Variants in ARL15 observed in about 807,000 individuals in gnomAD.
ARL15 encodes ADP-ribosylation factor-like protein 15.
A neutral mutation model predicts 25.2 loss-of-function variants in ARL15; 19 were observed. The ratio of observed to expected loss-of-function variants is 0.75; its 90% CI spans 0.53 to 1.10. The LOEUF (loss-of-function observed/expected upper bound fraction) is 1.10. Ranked by LOEUF, ARL15 falls within the 50% of genes least tolerant of loss-of-function variation. ARL15 has a pLI of 0.00. For synonymous variants in ARL15, 94 were observed against 86.8 expected (o/e 1.08, Z -0.46); for missense variants, 220 against 246.0 (o/e 0.89, Z 0.71).
chr5:54,185,204 C>G (rs1299201165), intron 1 of ARL15, among the ~76,000 whole-genome samples: 1 of 152,184 alleles, frequency 6.6e-6, no homozygotes, highest in African/African-American at 2.4e-5. Flanking sequence ...CACCTCCATG[C>G]AGTTTCTGAT....
intron 4 of ARL15, among the ~76,000 whole-genome samples, chr5:53,977,354 CAA>C (rs397884651): frequency 4.5e-3 from 404 of 90,220 alleles, no homozygotes; most frequent in African/African-American, 0.013. Flanking sequence ...GACTCCGCCT[CAA>C]AAAAAAAAAA....
At chr5:54,219,974 C>T (rs1467093061) in intron 1 of ARL15, among the ~76,000 whole-genome samples, 2 of 152,080 alleles carry the variant, frequency 1.3e-5, no homozygotes, top group Non-Finnish European at 2.9e-5. Context: ...TTTGCAATGA[C>T]TTGCTGAATG....
intron 3 of ARL15, among the ~76,000 whole-genome samples, chr5:54,145,004 T>C (rs1485028314): frequency 6.6e-6 from 1 of 152,250 alleles, no homozygotes; most frequent in Non-Finnish European, 1.5e-5. Flanking sequence ...ACCTTTAGCT[T>C]TGTCTTGCTT....
chr5:53,915,741 C>T (rs1190180414), intron 4 of ARL15, among the ~76,000 whole-genome samples: 1 of 152,084 alleles, frequency 6.6e-6, no homozygotes, highest in African/African-American at 2.4e-5. Flanking sequence ...TCAAATTTAC[C>T]CTTTTTCTTT....
At chr5:54,223,399 G>A (rs1756433317) in intron 1 of ARL15, among the ~76,000 whole-genome samples, 1 of 152,140 alleles carries the variant, frequency 6.6e-6, no homozygotes, top group South Asian at 2.1e-4. Context: ...TAGCTTTCTT[G>A]TGGCGTTTTA....
At chr5:53,914,730 C>T (rs1745580336) in intron 4 of ARL15, among the ~76,000 whole-genome samples, 1 of 152,218 alleles carries the variant, frequency 6.6e-6, no homozygotes, top group Non-Finnish European at 1.5e-5. Flanking sequence ...GAATGAGCTG[C>T]TAATGAGAAT....
At chr5:54,194,614 C>T (rs1028049519) in intron 1 of ARL15, among the ~76,000 whole-genome samples, 1 of 152,088 alleles carries the variant, frequency 6.6e-6, no homozygotes, top group African/African-American at 2.4e-5. Flanking sequence ...TATGAAAAAT[C>T]TAATCTCACC....
At chr5:53,980,476 A>T (rs1391243267) in intron 4 of ARL15, among the ~76,000 whole-genome samples, 2 of 152,222 alleles carry the variant, frequency 1.3e-5, no homozygotes, top group Admixed American at 6.5e-5. Flanking sequence ...TAAGCGCTAA[A>T]CTATACCTAC....
rs115943972 is a variant in ARL15, at chr5:54,224,207, C to T, written c.49-52279G>A. ...GGATATGTGGGCTGAACTCCAAAGG[C>T]GGCAGTGGGAACGCATTGTGGTGAC... On this transcript the variant is annotated intron_variant, in intron 1 of 4. Coordinates refer to ENST00000504924, the MANE Select transcript of ARL15 (RefSeq NM_019087.3). Among the ~76,000 whole-genome samples the T allele has an allele frequency of 1.9e-3, 285 of 152,182 alleles. 1 individual carries two copies. Among genetic ancestry groups the T allele is most frequent in the African/African-American group, 6.6e-3 (273 of 41,522 alleles).
Position 54,137,878 on chromosome 5 carries a change from C to CT in ARL15, c.253+16701dup, listed in dbSNP as rs3836816. Among the ~76,000 whole-genome samples the CT allele has an allele frequency of 6.9e-3, 995 of 144,584 alleles. 6 individuals are homozygous for CT. Among genetic ancestry groups the CT allele is most frequent in the African/African-American group, 0.017 (647 of 38,734 alleles). The allele number at this position is 144,584 out of a possible 152,430, so 94.9% of individuals were successfully genotyped here. On this transcript the variant is annotated intron_variant, in intron 3 of 4. Transcript: ENST00000504924. ...GTAACATGGATTTTAAGAGAGAAAG[C>CT]TTTTTTTTTTTTTAAAGGAAAGTAG...
At position 54,230,603 on chromosome 5, in the gene ARL15, T is replaced by C. The variant is rs1161423207; in HGVS notation, c.49-58675A>G. ...CTATTTCTCTCAAAGAAATGATCAC[T>C]TTCCCAGCCAGCTGGACTTGGAAAA... On this transcript the variant is annotated intron_variant, in intron 1 of 4. Coordinates refer to ENST00000504924, the MANE Select transcript of ARL15 (RefSeq NM_019087.3). Among the ~76,000 whole-genome samples the C allele has an allele frequency of 3.9e-5, 6 of 152,212 alleles. 1 individual carries two copies. In the East Asian group the frequency reaches 9.7e-4, roughly 25 times the overall value.
At chr5:54,011,503 C>T (rs1030304871) in intron 4 of ARL15, among the ~76,000 whole-genome samples, 4 of 152,078 alleles carry the variant, frequency 2.6e-5, no homozygotes, top group Non-Finnish European at 4.4e-5. Flanking sequence ...TACTATTCTT[C>T]ATGGGTAGAA....
intron 4 of ARL15, among the ~76,000 whole-genome samples, chr5:54,039,941 A>G (rs1290007025): frequency 2.0e-5 from 3 of 152,180 alleles, no homozygotes; most frequent in Non-Finnish European, 2.9e-5. Context: ...AAAAGATCAT[A>G]AACAATGTGT....
chr5:54,079,922 A>T (rs1257520083), intron 4 of ARL15, among the ~76,000 whole-genome samples: 1 of 151,498 alleles, frequency 6.6e-6, no homozygotes, highest in Non-Finnish European at 1.5e-5. Context: ...GTGAGCTGAG[A>T]TCATGCCATT....
intron 1 of ARL15, among the ~76,000 whole-genome samples, chr5:54,240,724 T>C (rs1756936881): frequency 6.6e-6 from 1 of 152,132 alleles, no homozygotes; most frequent in African/African-American, 2.4e-5. Flanking sequence ...CCTCTCAAAA[T>C]ACAAGTTGAG....
intron 4 of ARL15, among the ~76,000 whole-genome samples, chr5:54,006,888 C>T (rs1046069740): frequency 7.9e-5 from 12 of 151,874 alleles, no homozygotes; most frequent in African/African-American, 2.2e-4. Context: ...GTCGGGAGTT[C>T]GAGACCAGCC....
At chr5:54,157,386 A>G (rs1342599098) in intron 2 of ARL15, among the ~76,000 whole-genome samples, 1 of 152,186 alleles carries the variant, frequency 6.6e-6, no homozygotes, top group East Asian at 1.9e-4. Context: ...GTTCACACTA[A>G]GCAAAGTATC....
At chr5:53,989,672 T>G (rs1438394055) in intron 4 of ARL15, among the ~76,000 whole-genome samples, 3 of 152,100 alleles carry the variant, frequency 2.0e-5, no homozygotes, top group African/African-American at 7.2e-5. Context: ...CGAGGTTTGA[T>G]TCTCTGCTCT....
chr5:54,290,580 A>G (rs920731067), intron 1 of ARL15, among the ~76,000 whole-genome samples: 8 of 152,148 alleles, frequency 5.3e-5, no homozygotes, highest in Admixed American at 5.2e-4. Context: ...TGCTGGGATT[A>G]CAGGCATGAG....
Sources: gnomAD v4.1 joint callset for allele counts (sites outside exome capture counted in the v4.1 genomes callset) on GRCh38, gnomAD v4.1.1 for gene constraint, MANE v1.5 for transcripts, NCBI Gene and HGNC (gene_info 2026-07-23, HGNC 2026-07-21) for gene names.